The following LIPA variants were observed in gnomAD, a reference collection of about 807,000 sequenced individuals.
LIPA encodes the protein lysosomal acid lipase/cholesteryl ester hydrolase.
In LIPA, 26 loss-of-function variants were observed where a neutral mutation model predicts 40.6. The observed-to-expected ratio is 0.64, with a 90% CI of 0.47 to 0.89. The LOEUF is 0.89. Among genes scored for constraint, LIPA ranks in the 40% least tolerant of loss-of-function variants. The probability of loss-of-function intolerance (pLI) is 0.00; values close to 1 mark genes in which losing one functional copy is unlikely to be tolerated. For missense variants in LIPA, 455 were observed against 479.6 expected, an observed-to-expected ratio of 0.95 and a Z score of 0.48; for synonymous variants, 188 against 168.4, an observed-to-expected ratio of 1.12 and a Z score of -0.90.
chr10:89,246,512 C>G (rs898750602), intron 2 of LIPA, among the ~76,000 whole-genome samples: 12 of 152,074 alleles, frequency 7.9e-5, no homozygotes, highest in African/African-American at 2.9e-4. Context: ...AAAAGAAAAG[C>G]TTTGAGCTAA....
intron 2 of LIPA, chr10:89,405,322 A>G (rs1164288343): frequency 1.3e-5 from 2 of 152,258 alleles, no homozygotes; most frequent in African/African-American, 4.8e-5. Context: ...CATGGGTAAC[A>G]ATCACCTTTG....
intron 2 of LIPA, among the ~76,000 whole-genome samples, chr10:89,375,190 G>A (rs1051107771): frequency 6.6e-6 from 1 of 152,186 alleles, no homozygotes; most frequent in Non-Finnish European, 1.5e-5. Flanking sequence ...GAAAGTCCTA[G>A]TGCTATTCCG....
chr10:89,412,104 A>G (rs973030403), intron 2 of LIPA, among the ~76,000 whole-genome samples: 1 of 152,110 alleles, frequency 6.6e-6, no homozygotes, highest in East Asian at 1.9e-4. Context: ...TCTGGAGGAC[A>G]CTACACCTAC....
chr10:89,273,975 C>T (rs1436973312), intron 1 of LIPA, among the ~76,000 whole-genome samples: 1 of 152,146 alleles, frequency 6.6e-6, no homozygotes, highest in East Asian at 1.9e-4. Context: ...ATACATAGAC[C>T]ATACTGCCCA....
intron 1 of LIPA, among the ~76,000 whole-genome samples, chr10:89,330,011 G>T (rs918226145): frequency 6.6e-6 from 1 of 152,208 alleles, no homozygotes; most frequent in African/African-American, 2.4e-5. Context: ...GCCAGGATGA[G>T]CCAGGAGAAG....
intron 1 of LIPA, among the ~76,000 whole-genome samples, chr10:89,326,986 C>T (rs1192610441): frequency 1.3e-5 from 2 of 152,188 alleles, no homozygotes; most frequent in East Asian, 3.8e-4. Flanking sequence ...TGTACATTGG[C>T]TAGGTCCAGA....
chr10:89,388,873 G>A (rs1844226406), intron 2 of LIPA, among the ~76,000 whole-genome samples: 1 of 152,114 alleles, frequency 6.6e-6, no homozygotes, highest in Admixed American at 6.5e-5. Flanking sequence ...GTGGGTCAAG[G>A]TGGGCTGAGT....
chr10:89,216,984 T>G (rs778076513), intron 8 of LIPA, among the ~76,000 whole-genome samples: 3 of 152,216 alleles, frequency 2.0e-5, no homozygotes, highest in Non-Finnish European at 4.4e-5. Flanking sequence ...GTATTGAAAT[T>G]TACATTTATT....
chr10:89,372,152 C>T (rs1394942409), intron 2 of LIPA, among the ~76,000 whole-genome samples: 1 of 152,190 alleles, frequency 6.6e-6, no homozygotes. Context: ...GCAGTTTCAC[C>T]GTTGCACATT....
At chr10:89,243,238 C>A (rs540326331) in intron 3 of LIPA, among the ~76,000 whole-genome samples, 1 of 152,310 alleles carries the variant, frequency 6.6e-6, no homozygotes, top group South Asian at 2.1e-4. Flanking sequence ...AGCCTCTGTC[C>A]ATGCTCTGTT....
At chr10:89,333,811 T>TC (rs763490127) in intron 1 of LIPA, among the ~76,000 whole-genome samples, 10 of 152,164 alleles carry the variant, frequency 6.6e-5, no homozygotes, top group African/African-American at 2.2e-4. Flanking sequence ...GAAGCTGAGA[T>TC]CCCCCGGGAG....
intron 1 of LIPA, chr10:89,284,039 C>T (rs936873768): frequency 6.6e-6 from 1 of 152,210 alleles, no homozygotes; most frequent in Non-Finnish European, 1.5e-5. Flanking sequence ...TTAATTCAGG[C>T]ATTTTAAAAT....
At chr10:89,233,934 T>C (rs1842873173) in intron 3 of LIPA, among the ~76,000 whole-genome samples, 1 of 151,970 alleles carries the variant, frequency 6.6e-6, no homozygotes, top group Non-Finnish European at 1.5e-5. Context: ...AACTAATAGA[T>C]GCTAGGAATG....
intron 1 of LIPA, among the ~76,000 whole-genome samples, chr10:89,298,875 C>T (rs940141503): frequency 1.2e-4 from 18 of 151,482 alleles, no homozygotes; most frequent in East Asian, 3.9e-4. Context: ...AATCCCAGCT[C>T]GAGAGGCTGA....
At position 89,332,103 on chromosome 10, in the gene LIPA, C is replaced by T. The variant is rs183998312; in HGVS notation, c.-2+10508G>A. Among the ~76,000 whole-genome samples, 39 of 152,098 alleles carry T rather than the reference C, an allele frequency of 2.6e-4. No individual in the cohort carries two copies. In the East Asian group the frequency reaches 7.0e-3, roughly 27 times the overall value. ...AAAATTATCCAGGCATGGTGGTGCA[C>T]GTCTGTAATCCCAGCTACTCAGGAG... On this transcript the variant is annotated intron_variant, in intron 1 of 5. Coordinates refer to the LIPA transcript ENST00000282673.
At position 89,364,180 on chromosome 10, in the gene LIPA, C is replaced by T. The variant is rs1195896821; in HGVS notation, c.61+48611G>A. On this transcript the variant is annotated intron_variant, in intron 2 of 8. Coordinates refer to the LIPA transcript ENST00000371837. ...ACTTTTTGGCTAATGAACACCTATC[C>T]ACGTGGTTGTGGCAGCAATATCAGC... Among the ~76,000 whole-genome samples, 6 of 152,290 alleles carry T rather than the reference C, an allele frequency of 3.9e-5. No individual in the cohort carries two copies. In the South Asian group the frequency reaches 6.2e-4, roughly 16 times the overall value.
chr10:89,264,913 G>A (rs1194518715), intron 1 of LIPA, among the ~76,000 whole-genome samples: 1 of 152,114 alleles, frequency 6.6e-6, no homozygotes, highest in Non-Finnish European at 1.5e-5. Flanking sequence ...GTCATCCACG[G>A]CCCCTGGGCT....
rs199626090 is a variant in LIPA at position 89,248,442 on chromosome 10, ATATTTATTTATT to A, written c.-1-805_-1-794del. On this transcript the variant is annotated intron_variant, in intron 1 of 9. Transcript: ENST00000336233. ...AAGGAATTATTATTATTATTATTTT[ATATTTATTTATT>A]TATTTATTTATTTATTTATTTATTT... Among the ~76,000 whole-genome samples, 187 of 136,388 alleles carry A rather than the reference ATATTTATTTATT, an allele frequency of 1.4e-3. 1 individual carries two copies. The highest frequency in any genetic ancestry group is 0.013 in the South Asian group (53 of 4,152). The allele number at this position is 136,388 out of a possible 152,430, so 89.5% of individuals were successfully genotyped here. A position where few individuals can be genotyped will look rare whatever the true frequency, so the allele number is the denominator to read the frequency against.
In LIPA at chr10:89,392,478, C is replaced by G. The variant is rs145558593; in HGVS notation, c.61+20313G>C. ...AACAAAGTTTCATTCCCCACCCCCCCCCGTCAGCAGGAATTCCGCTAGCTT... is the reference window on the plus strand; with the variant it reads ...AACAAAGTTTCATTCCCCACCCCCCGCCGTCAGCAGGAATTCCGCTAGCTT... On this transcript the variant is annotated intron_variant, in intron 2 of 8. Transcript: ENST00000371837. The G allele has an allele frequency of 6.2e-4, 161 of 258,144 alleles. 6 individuals carry two copies. Among genetic ancestry groups the G allele is most frequent in the South Asian group, 1.8e-3 (17 of 9,272 alleles). The allele number at this position is 258,144 out of a possible 1,614,324, so 16.0% of individuals were successfully genotyped here. A position where few individuals can be genotyped will look rare whatever the true frequency, so the allele number is the denominator to read the frequency against.
Sources: allele counts gnomAD v4.1 joint callset (sites outside exome capture counted in the v4.1 genomes callset), GRCh38; gene constraint gnomAD v4.1.1; transcripts MANE v1.5; gene names NCBI Gene and HGNC (gene_info 2026-07-23, HGNC 2026-07-21).